The following TWIST2 variants were observed in gnomAD, a reference collection of about 807,000 sequenced individuals.
TWIST2 encodes twist family bHLH transcription factor 2.
Under a neutral mutation model 11.6 loss-of-function variants are expected in TWIST2, and 1 was observed. That is an observed-to-expected ratio of 0.09 (90% CI 0.03 to 0.41). The LOEUF is 0.41. Among genes scored for constraint, TWIST2 ranks in the 10% least tolerant of loss-of-function variants. TWIST2 has a pLI of 0.98. For synonymous variants in TWIST2, 87 were observed against 96.6 expected, an observed-to-expected ratio of 0.90 and a Z score of 0.58; for missense variants, 168 against 226.4, an observed-to-expected ratio of 0.74 and a Z score of 1.66.
At chr2:238,860,554 T>C (rs1346582521) in intron 1 of TWIST2, among the ~76,000 whole-genome samples, 2 of 152,242 alleles carry the variant, frequency 1.3e-5, no homozygotes, top group African/African-American at 4.8e-5. Flanking sequence ...CAGGATTGTT[T>C]GAATTTTCAG....
At chr2:238,891,244 T>C (rs942603310) in intron 1 of TWIST2, among the ~76,000 whole-genome samples, 3 of 152,166 alleles carry the variant, frequency 2.0e-5, no homozygotes, top group African/African-American at 7.2e-5. Context: ...GAGGCCACCT[T>C]GACCCTATCG....
chr2:238,872,171 A>G (rs1285335624), intron 1 of TWIST2, among the ~76,000 whole-genome samples: 1 of 152,138 alleles, frequency 6.6e-6, no homozygotes, highest in Non-Finnish European at 1.5e-5. Flanking sequence ...CATGCTCTCT[A>G]TCCCACTAGC....
chr2:238,851,604 T>C (rs1250560942), intron 1 of TWIST2, among the ~76,000 whole-genome samples: 1 of 152,194 alleles, frequency 6.6e-6, no homozygotes, highest in Non-Finnish European at 1.5e-5. Flanking sequence ...TTAGCTACTT[T>C]GAAGAAATTG....
At chr2:238,853,056 G>A (rs959545558) in intron 1 of TWIST2, among the ~76,000 whole-genome samples, 1 of 152,050 alleles carries the variant, frequency 6.6e-6, no homozygotes, top group African/African-American at 2.4e-5. Flanking sequence ...TAACTAATTA[G>A]AAGTGGTTCC....
rs1030734958 is a variant in TWIST2, at chr2:238,864,804, CTG to C, written c.*35+16072_*35+16073del. Among the ~76,000 whole-genome samples the C allele has an allele frequency of 4.6e-5, 7 of 152,116 alleles. No individual in the cohort carries two copies. Among genetic ancestry groups the C allele is most frequent in the African/African-American group, 1.7e-4 (7 of 41,422 alleles). On this transcript the variant is annotated intron_variant, in intron 1 of 1. Coordinates refer to ENST00000612363, the MANE Select transcript of TWIST2 (RefSeq NM_001271893.4). This position sits in a 1 kb window ranked among gnomAD's most constrained non-coding sequence, Gnocchi z 4.7. ...AACACCTGTGGGGCTGTCCCCTTCTCTGAGCATCTGTGAGGGGTTTTCCTCTC... is the reference window on the plus strand; with the variant it reads ...AACACCTGTGGGGCTGTCCCCTTCTCAGCATCTGTGAGGGGTTTTCCTCTC...
At chr2:238,865,306 C>T (rs370925138) in intron 1 of TWIST2, among the ~76,000 whole-genome samples, 1 of 152,156 alleles carries the variant, frequency 6.6e-6, no homozygotes, top group Non-Finnish European at 1.5e-5. Flanking sequence ...CCTACTGAGT[C>T]GGGTCATTAT....
intron 1 of TWIST2, among the ~76,000 whole-genome samples, chr2:238,895,070 C>T (rs1325206683): frequency 6.6e-6 from 1 of 152,200 alleles, no homozygotes; most frequent in Non-Finnish European, 1.5e-5. Context: ...ACCGGCAGCC[C>T]TTCTGTCCAT....
At chr2:238,850,961 A>G (rs1307266105) in intron 1 of TWIST2, among the ~76,000 whole-genome samples, 1 of 152,228 alleles carries the variant, frequency 6.6e-6, no homozygotes, top group Non-Finnish European at 1.5e-5. Flanking sequence ...ACATCTTGTC[A>G]TTCTTTTTGT....
chr2:238,868,775 C>T (rs1325877594), intron 1 of TWIST2, among the ~76,000 whole-genome samples: 2 of 152,200 alleles, frequency 1.3e-5, no homozygotes, highest in Admixed American at 6.5e-5. Context: ...GTGGGCTGAT[C>T]CACAGGCATG....
intron 1 of TWIST2, among the ~76,000 whole-genome samples, chr2:238,901,568 G>A (rs1016692739): frequency 5.0e-4 from 76 of 152,272 alleles, no homozygotes; most frequent in Admixed American, 1.2e-3. Context: ...GGTCCCTGGG[G>A]TATCTCCTTG....
At position 238,867,235 on chromosome 2, in the gene TWIST2, T is replaced by G. The variant is rs540444980; in HGVS notation, c.*35+18502T>G. 1.3e-5 allele frequency among the ~76,000 whole-genome samples: 2 copies of G among 149,638 alleles called. No individual in the cohort carries two copies. The highest frequency in any genetic ancestry group is 4.9e-5 in the African/African-American group (2 of 40,508). ...TTCTGCAGAAGAGAAGGGGTAGAGGTGGAGAAAGAGGGAGAGGGAGGCAGG... is the reference window on the plus strand; with the variant it reads ...TTCTGCAGAAGAGAAGGGGTAGAGGGGGAGAAAGAGGGAGAGGGAGGCAGG... On this transcript the variant is annotated intron_variant, in intron 1 of 1. Transcript: ENST00000612363. This position sits in a 1 kb window ranked among gnomAD's most constrained non-coding sequence, Gnocchi z 4.8.
intron 1 of TWIST2, among the ~76,000 whole-genome samples, chr2:238,900,243 C>T (rs1398071117): frequency 6.6e-5 from 10 of 152,272 alleles, no homozygotes; most frequent in African/African-American, 1.4e-4. Flanking sequence ...TGTGAGTTCA[C>T]GAATCCGACT....
intron 1 of TWIST2, among the ~76,000 whole-genome samples, chr2:238,888,694 A>G (rs1345517734): frequency 1.3e-5 from 2 of 152,220 alleles, no homozygotes; most frequent in Non-Finnish European, 2.9e-5. Flanking sequence ...TATTGTAGCA[A>G]GCATTTGGAG....
intron 1 of TWIST2, among the ~76,000 whole-genome samples, chr2:238,878,066 A>C (rs1559277569): frequency 6.6e-6 from 1 of 152,348 alleles, no homozygotes; most frequent in Admixed American, 6.5e-5. Context: ...GCGGAGCATA[A>C]TTCCAAAAAG....
Position 238,848,733 on chromosome 2 carries a change from G to T in TWIST2, c.*35G>T. The T allele has an allele frequency of 2.8e-6, 4 of 1,409,110 alleles. No individual in the cohort carries two copies. Among genetic ancestry groups the T allele is most frequent in the Non-Finnish European group, 3.7e-6 (4 of 1,086,590 alleles). 87.3% of individuals were successfully genotyped at this position (1,409,110 alleles called of 1,614,324 possible). ...ACCCACCTCCGGACCGGCGCGCCAG[G>T]GTAGGTGCTGCGCGCGCGACGGGCG... On this transcript the variant is annotated splice_region_variant and 3_prime_UTR_variant, in exon 1 of 2. Coordinates refer to ENST00000612363, the MANE Select transcript of TWIST2 (RefSeq NM_001271893.4).
At chr2:238,859,766 G>A (rs1692398623) in intron 1 of TWIST2, among the ~76,000 whole-genome samples, 1 of 152,126 alleles carries the variant, frequency 6.6e-6, no homozygotes, top group Non-Finnish European at 1.5e-5. Flanking sequence ...TCGACATCTA[G>A]TTCCTAATGT....
At chr2:238,900,163 A>G (rs1172212081) in intron 1 of TWIST2, among the ~76,000 whole-genome samples, 7 of 152,232 alleles carry the variant, frequency 4.6e-5, no homozygotes, top group Non-Finnish European at 1.5e-5. Flanking sequence ...TCTGATGGCT[A>G]TCGATACATT....
intron 1 of TWIST2, chr2:238,887,130 T>C (rs35076696): frequency 0.57 from 86,786 of 151,790 alleles, 25,110 homozygotes; most frequent in East Asian, 0.68. Context: ...CCAGCAACAC[T>C]GCCAACACCA....
At chr2:238,908,413 C>G (rs936126423) in intron 1 of TWIST2, among the ~76,000 whole-genome samples, 2 of 151,172 alleles carry the variant, frequency 1.3e-5, no homozygotes, top group Non-Finnish European at 3.0e-5. Flanking sequence ...ATACCACACA[C>G]TGCACACACC....
Sources: gnomAD v4.1 joint callset for allele counts (sites outside exome capture counted in the v4.1 genomes callset) on GRCh38, gnomAD v4.1.1 for gene constraint, Gnocchi (gnomAD v3.1) non-coding constraint, MANE v1.5 for transcripts, NCBI Gene and HGNC (gene_info 2026-07-23, HGNC 2026-07-21) for gene names.